Variants in FERMT2 observed in about 807,000 individuals in gnomAD.
The protein encoded by FERMT2 is FERM domain containing kindlin 2, also known as fermitin family homolog 2.
A neutral mutation model predicts 82.7 loss-of-function variants in FERMT2; 15 were observed. The ratio of observed to expected loss-of-function variants is 0.18; its 90% confidence interval spans 0.12 to 0.28. The LOEUF (loss-of-function observed/expected upper bound fraction) is 0.28. Ranked by LOEUF, FERMT2 falls within the 10% of genes least tolerant of loss-of-function variation. FERMT2 has a pLI of 1.00. For missense variants in FERMT2, 645 were observed against 809.4 expected (o/e 0.80, Z 2.46); for synonymous variants, 274 against 271.5 (o/e 1.01, Z -0.09).
chr14:52,885,670 T>TA (rs138329033), intron 4 of FERMT2, among the ~76,000 whole-genome samples: 3,440 of 152,272 alleles, frequency 0.023, 278 homozygotes, highest in East Asian at 0.2. Flanking sequence ...TGTAGATATT[T>TA]AAAACCCGAT....
chr14:52,892,330 T>C (rs962386024), intron 4 of FERMT2, among the ~76,000 whole-genome samples: 150 of 152,034 alleles, frequency 9.9e-4, no homozygotes, highest in Non-Finnish European at 3.2e-4. Context: ...TTAGTCAAGA[T>C]GGGGTTTCAC....
chr14:52,905,985 C>T (rs1887985874), intron 3 of FERMT2, among the ~76,000 whole-genome samples: 1 of 151,858 alleles, frequency 6.6e-6, no homozygotes, highest in Non-Finnish European at 1.5e-5. Flanking sequence ...TTTATTTAAA[C>T]AATAAGAAAT....
intron 2 of FERMT2, among the ~76,000 whole-genome samples, chr14:52,927,726 A>T (rs12878516): frequency 6.6e-6 from 1 of 151,650 alleles, no homozygotes; most frequent in Admixed American, 6.6e-5. Flanking sequence ...AGTTGATCAA[A>T]TCCCACTCCT....
At chr14:52,871,395 G>A (rs1885614394) in intron 10 of FERMT2, 1 of 152,142 alleles carries the variant, frequency 6.6e-6, no homozygotes, top group Non-Finnish European at 1.5e-5. Context: ...ACGGGAGAGT[G>A]GTCCTCAGGG....
intron 4 of FERMT2, among the ~76,000 whole-genome samples, chr14:52,890,896 C>T (rs1284221808): frequency 1.3e-5 from 2 of 152,140 alleles, no homozygotes; most frequent in Non-Finnish European, 2.9e-5. Context: ...AAGCCACCCG[C>T]GCCTGGCCCC....
chr14:52,897,224 C>G (rs1887337525), intron 3 of FERMT2, among the ~76,000 whole-genome samples: 2 of 152,080 alleles, frequency 1.3e-5, no homozygotes, highest in South Asian at 4.1e-4. Flanking sequence ...GTAAATAAAT[C>G]ATAATTTAAT....
At chr14:52,871,786 T>C (rs529739490) in intron 10 of FERMT2, 2 of 152,410 alleles carry the variant, frequency 1.3e-5, no homozygotes, top group Admixed American at 1.3e-4. Flanking sequence ...ACAAACGCCC[T>C]GAGGGAAAGG....
rs1008784281 is a variant in FERMT2, at chr14:52,857,284, T to G, written c.*1093A>C. 4 of 152,638 alleles carry G rather than the reference T, an allele frequency of 2.6e-5. No individual in the cohort carries two copies. The highest frequency in any genetic ancestry group is 9.6e-5 in the African/African-American group (4 of 41,456). 9.5% of individuals were successfully genotyped at this position (152,638 alleles called of 1,614,324 possible). ...TACAAAAATAAATATTAAATAAAAG[T>G]TTTGCTTTTATTTAAAATAAAATGC... On this transcript the variant is annotated 3_prime_UTR_variant, in exon 15 of 15. Coordinates refer to ENST00000341590, the MANE Select transcript of FERMT2 (RefSeq NM_006832.3).
intron 2 of FERMT2, chr14:52,928,118 T>C (rs1037024324): frequency 4.0e-6 from 1 of 253,154 alleles, no homozygotes; most frequent in Middle Eastern, 4.5e-4. Context: ...GAGGATAAAT[T>C]TCTAGTTGCA....
intron 12 of FERMT2, chr14:52,861,040 G>A: frequency 6.6e-7 from 1 of 1,505,878 alleles, no homozygotes; most frequent in Non-Finnish European, 8.8e-7. Context: ...CCTGGCTGTA[G>A]ATGGCAATGC....
intron 10 of FERMT2, among the ~76,000 whole-genome samples, chr14:52,870,036 T>G (rs1885519293): frequency 6.6e-6 from 1 of 152,208 alleles, no homozygotes; most frequent in Admixed American, 6.5e-5. Context: ...GTACAATGTT[T>G]AAGCTACGTG....
chr14:52,881,152 G>C lies in FERMT2; in HGVS notation c.753-14C>G. The C allele has an allele frequency of 6.2e-7, 1 of 1,603,060 alleles. No individual in the cohort carries two copies. The highest frequency in any genetic ancestry group is 8.5e-7 in the Non-Finnish European group (1 of 1,170,646). ...GAATCAAGCCATCTGGACAAATTAA[G>C]AACAGTGGAACAAAACAACACAGAA... On this transcript the variant is annotated splice_polypyrimidine_tract_variant and intron_variant, in intron 5 of 14. Coordinates refer to ENST00000341590, the MANE Select transcript of FERMT2 (RefSeq NM_006832.3).
chr14:52,923,548 CCT>C (rs1889083044), intron 2 of FERMT2, among the ~76,000 whole-genome samples: 1 of 151,886 alleles, frequency 6.6e-6, no homozygotes, highest in Non-Finnish European at 1.5e-5. Context: ...ATATATCTCC[CCT>C]GATACTCATC....
intron 3 of FERMT2, among the ~76,000 whole-genome samples, chr14:52,898,216 GA>G (rs1400641002): frequency 1.3e-5 from 2 of 152,228 alleles, no homozygotes; most frequent in East Asian, 3.9e-4. Flanking sequence ...ATAAAGAGCA[GA>G]AATCATGTTA....
At chr14:52,923,208 G>A (rs1283932822) in intron 2 of FERMT2, among the ~76,000 whole-genome samples, 3 of 151,416 alleles carry the variant, frequency 2.0e-5, no homozygotes, top group African/African-American at 7.3e-5. Context: ...TGGGGGTTGG[G>A]GGGGGAATCC....
intron 7 of FERMT2, among the ~76,000 whole-genome samples, chr14:52,877,780 G>A (rs901295612): frequency 1.3e-5 from 2 of 151,870 alleles, no homozygotes; most frequent in Admixed American, 1.3e-4. Flanking sequence ...TCTGCTTCCT[G>A]TACTTCTGTT....
rs779368437 is a variant in FERMT2 at position 52,950,462 on chromosome 14, G to T, written c.107C>A (p.Thr36Asn). 3 of 1,613,876 alleles carry T rather than the reference G, an allele frequency of 1.9e-6. No homozygotes were observed. The highest frequency in any genetic ancestry group is 1.7e-6 in the Non-Finnish European group (2 of 1,179,992). Residue 36 changes from threonine (T) to asparagine (N), a missense_variant, in exon 2 of 15, where the codon ACC (threonine) becomes AAC (asparagine). Coordinates refer to ENST00000341590, the MANE Select transcript of FERMT2 (RefSeq NM_006832.3). Reference sequence around the variant, plus strand: ...CACGCCTCCAATGTGCACCTCGCCGGTCACTCTCAGGGTGACATCGCGGTT... The same window carrying T: ...CACGCCTCCAATGTGCACCTCGCCGTTCACTCTCAGGGTGACATCGCGGTT... ...DLNRDVTLRV[T>N]GEVHIGGVML...
chr14:52,896,802 C>A (rs1370457035), intron 3 of FERMT2, among the ~76,000 whole-genome samples: 2 of 152,040 alleles, frequency 1.3e-5, no homozygotes, highest in East Asian at 3.9e-4. Context: ...CCAGCCTGGG[C>A]AACCTAGGAA....
At position 52,935,144 on chromosome 14, in the gene FERMT2, T is replaced by C. The variant is rs950105142; in HGVS notation, c.157+15268A>G. Among the ~76,000 whole-genome samples the C allele has an allele frequency of 5.3e-5, 8 of 152,276 alleles. No individual in the cohort carries two copies. In the South Asian group the frequency reaches 1.5e-3, roughly 28 times the overall value. ...GTTATTTAATAAGTAAACGTGCAAA[T>C]TGCAACGTCCAAAGTGCTGTTTTCA... On this transcript the variant is annotated intron_variant, in intron 2 of 14. Transcript: ENST00000341590.
Sources: gnomAD v4.1 joint callset for allele counts (sites outside exome capture counted in the v4.1 genomes callset) on GRCh38, gnomAD v4.1.1 for gene constraint, MANE v1.5 for transcripts, NCBI Gene and HGNC (gene_info 2026-07-23, HGNC 2026-07-21) for gene names.